HSPA14: variants seen among roughly 807,000 people sequenced by gnomAD.
HSPA14 encodes heat shock 70 kDa protein 14.
A neutral mutation model predicts 65.5 loss-of-function variants in HSPA14; 37 were observed. That is an observed-to-expected ratio of 0.56 (90% CI 0.43 to 0.74). The LOEUF is 0.74. Among genes scored for constraint, HSPA14 ranks in the 30% least tolerant of loss-of-function variants. HSPA14 has a pLI of 0.00. For missense variants in HSPA14, 564 were observed against 607.6 expected (o/e 0.93, Z 0.75); for synonymous variants, 203 against 214.2 (o/e 0.95, Z 0.46).
chr10:14,843,382 G>T, intron 3 of HSPA14: 2 of 1,550,788 alleles, frequency 1.3e-6, no homozygotes, highest in Non-Finnish European at 1.7e-6. Context: ...GTGCTCTCAA[G>T]GGACCCCCAG....
chr10:14,849,254 T>G (rs1211371480), intron 5 of HSPA14, among the ~76,000 whole-genome samples: 2 of 152,242 alleles, frequency 1.3e-5, no homozygotes, highest in Admixed American at 1.3e-4. Context: ...TATCAGCAGT[T>G]CAGACGGAGG....
chr10:14,845,338 G>A, intron 3 of HSPA14: 1 of 985,360 alleles, frequency 1.0e-6, no homozygotes, highest in Non-Finnish European at 1.2e-6. Context: ...GTTGGGGGAG[G>A]TTTTATTTTC....
At chr10:14,844,074 G>A in intron 3 of HSPA14, 2 of 1,425,268 alleles carry the variant, frequency 1.4e-6, no homozygotes, top group Non-Finnish European at 1.8e-6. Flanking sequence ...CCAAATGGAA[G>A]ACCTTTCAGA....
intron 10 of HSPA14, among the ~76,000 whole-genome samples, chr10:14,856,769 A>G (rs1372407226): frequency 6.6e-6 from 1 of 152,096 alleles, no homozygotes; most frequent in East Asian, 1.9e-4. Flanking sequence ...TGAGGTGAGA[A>G]GATCACTTGG....
At chr10:14,862,815 G>A (rs1003732791) in intron 10 of HSPA14, among the ~76,000 whole-genome samples, 15 of 152,060 alleles carry the variant, frequency 9.9e-5, no homozygotes, top group Non-Finnish European at 1.6e-4. Flanking sequence ...AAGTAGCTGG[G>A]ACCACAGGCA....
At chr10:14,863,686 CCCT>C (rs776870684) in intron 10 of HSPA14, among the ~76,000 whole-genome samples, 28 of 152,128 alleles carry the variant, frequency 1.8e-4, no homozygotes, top group Non-Finnish European at 3.4e-4. Context: ...CTTCTCCCCA[CCCT>C]CCTCTTCTTT....
At chr10:14,843,177 G>C (rs1196653352) in intron 3 of HSPA14, among the ~76,000 whole-genome samples, 1 of 152,136 alleles carries the variant, frequency 6.6e-6, no homozygotes, top group Non-Finnish European at 1.5e-5. Context: ...GGAAGGCAAG[G>C]GAGAAGTTTT....
chr10:14,865,569 G>A (rs1416262366), intron 10 of HSPA14, among the ~76,000 whole-genome samples: 1 of 152,140 alleles, frequency 6.6e-6, no homozygotes, highest in Non-Finnish European at 1.5e-5. Flanking sequence ...AGCACCATTT[G>A]TTAAATAGGG....
chr10:14,838,441 C>T lies in HSPA14; in HGVS notation c.39C>T (p.Ala13=), dbSNP rs376926212. The T allele has an allele frequency of 5.6e-6, 9 of 1,606,186 alleles. No homozygotes were observed. The African/African-American group carries it at 8.0e-5, about 14-fold the overall frequency. ...AIGVHLGCTS[A]CVAVYKDGRA... Reference sequence around the variant, plus strand: ...GAGTTCACCTGGGCTGCACCTCAGCCTGTGTGGCCGTCTATAAGGTGAGGG... The same window carrying T: ...GAGTTCACCTGGGCTGCACCTCAGCTTGTGTGGCCGTCTATAAGGTGAGGG... Residue 13 remains alanine, a synonymous_variant, in exon 1 of 14, where the codon GCC becomes GCT. Transcript: ENST00000378372.
At chr10:14,856,418 G>A (rs1383805258) in intron 10 of HSPA14, among the ~76,000 whole-genome samples, 2 of 152,180 alleles carry the variant, frequency 1.3e-5, no homozygotes, top group African/African-American at 2.4e-5. Flanking sequence ...ACCCAGTATT[G>A]TTCCTGTGTC....
intron 1 of HSPA14, among the ~76,000 whole-genome samples, chr10:14,839,400 C>G: frequency 6.6e-6 from 1 of 151,902 alleles, no homozygotes; most frequent in South Asian, 2.1e-4. Flanking sequence ...ATGGTGAAAC[C>G]CCGCCTCTAC....
At chr10:14,862,059 C>A (rs1832754455) in intron 10 of HSPA14, among the ~76,000 whole-genome samples, 1 of 146,928 alleles carries the variant, frequency 6.8e-6, no homozygotes, top group South Asian at 2.2e-4. Flanking sequence ...GACAGTCTAG[C>A]TGTGTCACCC....
At chr10:14,851,390 A>T (rs960180250) in intron 7 of HSPA14, 67 bp downstream of exon 7, 17 of 880,478 alleles carry the variant, frequency 1.9e-5, no homozygotes, top group Non-Finnish European at 3.1e-5. Context: ...TAGAGATTAT[A>T]TCAGTAAAGA....
intron 10 of HSPA14, among the ~76,000 whole-genome samples, chr10:14,857,698 T>C (rs1269432882): frequency 6.6e-6 from 1 of 152,236 alleles, no homozygotes; most frequent in African/African-American, 2.4e-5. Flanking sequence ...TTGGTTTTGG[T>C]CCTGCTAGGG....
chr10:14,843,652 G>T, intron 3 of HSPA14: 1 of 1,549,444 alleles, frequency 6.5e-7, no homozygotes. Context: ...GACTATCGCA[G>T]CCGAGTTGGC....
At chr10:14,868,052 T>C (rs1832822452) in intron 12 of HSPA14, 143 bp downstream of exon 12, 1 of 661,326 alleles carries the variant, frequency 1.5e-6, no homozygotes, top group South Asian at 2.6e-5. Context: ...GGCTCATTTC[T>C]GAAAATGAAC....
rs746036028 is a variant in HSPA14 at position 14,851,194 on chromosome 10, T to C, written c.468-25T>C. Reference sequence around the variant, plus strand: ...AGAATTGAACATGTGATAAATTAAATTCATTGAAAGCAAATTGTTCACAGA... The same window carrying C: ...AGAATTGAACATGTGATAAATTAAACTCATTGAAAGCAAATTGTTCACAGA... On this transcript the variant is annotated intron_variant, in intron 6 of 13. Transcript: ENST00000378372. 1.1e-5 allele frequency: 14 copies of C among 1,282,982 alleles called. No homozygotes were observed. The East Asian group carries it at 2.8e-4, about 26-fold the overall frequency. 79.5% of individuals were successfully genotyped at this position (1,282,982 alleles called of 1,614,324 possible).
intron 10 of HSPA14, among the ~76,000 whole-genome samples, chr10:14,857,362 A>C (rs558243183): frequency 3.3e-5 from 5 of 152,354 alleles, no homozygotes; most frequent in African/African-American, 1.2e-4. Flanking sequence ...TTTCCAAAAG[A>C]ATTGAATTAA....
rs1217826541 is a variant in HSPA14 at position 14,842,737 on chromosome 10, T to C, written c.221+2580T>C. 2 of 1,536,540 alleles carry C rather than the reference T, an allele frequency of 1.3e-6. No homozygotes were observed. The highest frequency in any genetic ancestry group is 2.4e-5 in the East Asian group (1 of 40,916). On this transcript the variant is annotated intron_variant, in intron 3 of 13. Coordinates refer to ENST00000378372, the MANE Select transcript of HSPA14 (RefSeq NM_016299.4). The surrounding 1 kb of genome is among the most constrained non-coding windows in gnomAD (Gnocchi z 5.2). ...GGACTCAGGCAGCTGATCATCAGCC[T>C]ATCTTGAAAACAGTTAAGGCATCAG...
Sources: allele counts gnomAD v4.1 joint callset (sites outside exome capture counted in the v4.1 genomes callset), GRCh38; gene constraint gnomAD v4.1.1; non-coding constraint Gnocchi (gnomAD v3.1); transcripts MANE v1.5; gene names NCBI Gene and HGNC (gene_info 2026-07-23, HGNC 2026-07-21).